Variants in KLF12 observed in about 807,000 individuals in gnomAD.
The protein encoded by KLF12 is KLF transcription factor 12.
In KLF12, 9 loss-of-function variants were observed where a neutral mutation model predicts 37.8. That is an observed-to-expected ratio of 0.24 (90% CI 0.14 to 0.42). The LOEUF is 0.42. Ranked by LOEUF, KLF12 falls within the 10% of genes least tolerant of loss-of-function variation. The probability of loss-of-function intolerance (pLI) is 1.00; values close to 1 mark genes in which losing one functional copy is unlikely to be tolerated. For missense variants in KLF12, 411 were observed against 516.0 expected, an observed-to-expected ratio of 0.80 and a Z score of 1.97; for synonymous variants, 208 against 202.1, an observed-to-expected ratio of 1.03 and a Z score of -0.25.
chr13:74,143,044 CTCCTTCTTTCCT>C, the KLF12 span, among the ~76,000 whole-genome samples: 222 of 147,938 alleles, frequency 1.5e-3, no homozygotes, highest in Non-Finnish European at 2.8e-3. Flanking sequence ...CCCTCCTTCC[CTCCTTCTTTCCT>C]TCCTTCCTTC....
chr13:73,923,560 G>A (rs1889226654), intron 3 of KLF12, among the ~76,000 whole-genome samples: 1 of 152,172 alleles, frequency 6.6e-6, no homozygotes, highest in Non-Finnish European at 1.5e-5. Flanking sequence ...CTGAGGGTCA[G>A]GGCAGTCACT....
chr13:74,294,424 G>A, the KLF12 span, among the ~76,000 whole-genome samples: 17 of 152,000 alleles, frequency 1.1e-4, no homozygotes, highest in East Asian at 3.9e-4. Context: ...GCTGGAGTGC[G>A]GTGGTGCGAT....
intron 3 of KLF12, among the ~76,000 whole-genome samples, chr13:73,852,520 G>A (rs1201563866): frequency 1.3e-5 from 2 of 152,092 alleles, no homozygotes; most frequent in African/African-American, 4.8e-5. Flanking sequence ...GGTGACTCAC[G>A]CCTGTAATCC....
At chr13:73,821,409 T>C (rs985589041) in intron 4 of KLF12, among the ~76,000 whole-genome samples, 1 of 152,204 alleles carries the variant, frequency 6.6e-6, no homozygotes, top group African/African-American at 2.4e-5. Flanking sequence ...ACACAAGTCC[T>C]ATTCTTTCTC....
chr13:74,085,796 A>G (rs1593887383), intron 1 of KLF12, among the ~76,000 whole-genome samples: 1 of 152,068 alleles, frequency 6.6e-6, no homozygotes, highest in East Asian at 1.9e-4. Flanking sequence ...ATTTCAACCA[A>G]CACTTGTGGT....
chr13:74,145,814 C>T, the KLF12 span, among the ~76,000 whole-genome samples: 116 of 152,226 alleles, frequency 7.6e-4, no homozygotes, highest in Middle Eastern at 3.4e-3. Context: ...ATCTCTGAGC[C>T]TGGTCTTGGA....
intron 3 of KLF12, among the ~76,000 whole-genome samples, chr13:73,887,021 A>C (rs1887260195): frequency 6.6e-6 from 1 of 151,698 alleles, no homozygotes; most frequent in South Asian, 2.1e-4. Context: ...AGAAAAGAAA[A>C]GTATAACTTT....
chr13:74,092,875 G>A (rs1259003974), intron 1 of KLF12, among the ~76,000 whole-genome samples: 1 of 152,154 alleles, frequency 6.6e-6, no homozygotes, highest in Non-Finnish European at 1.5e-5. Context: ...AATGCAAATT[G>A]TCAAAAGTGG....
chr13:74,225,945 A>G, the KLF12 span, among the ~76,000 whole-genome samples: 1 of 152,308 alleles, frequency 6.6e-6, no homozygotes, highest in South Asian at 2.1e-4. Context: ...GATAAAGTCA[A>G]TGCGACTGAA....
chr13:73,934,406 C>T (rs1198982910), intron 3 of KLF12, among the ~76,000 whole-genome samples: 2 of 152,182 alleles, frequency 1.3e-5, no homozygotes, highest in African/African-American at 2.4e-5. Flanking sequence ...ACGAACTCCA[C>T]CATGCATTGT....
chr13:73,898,347 T>G (rs1887885406), intron 3 of KLF12, among the ~76,000 whole-genome samples: 1 of 152,256 alleles, frequency 6.6e-6, no homozygotes, highest in African/African-American at 2.4e-5. Context: ...TCTCTCATTT[T>G]CTTAAAGAAA....
intron 3 of KLF12, among the ~76,000 whole-genome samples, chr13:73,880,034 T>A (rs1476012546): frequency 6.6e-6 from 1 of 152,200 alleles, no homozygotes; most frequent in Non-Finnish European, 1.5e-5. Context: ...CCGTTCTGCC[T>A]GGAGCATGGT....
Position 73,868,345 on chromosome 13 carries a change from TCAGTA to T in KLF12, c.124-21977_124-21973del. On this transcript the variant is annotated intron_variant, in intron 3 of 7. Transcript: ENST00000377669. ...GGGGCGGTGGGGGGGGGGGGTGATT[TCAGTA>T]CAAAGCCTACAGACATTATAAAAAT... Among the ~76,000 whole-genome samples, 2 of 146,170 alleles carry T rather than the reference TCAGTA, an allele frequency of 1.4e-5. 1 individual carries two copies. Among genetic ancestry groups the T allele is most frequent in the Admixed American group, 1.4e-4 (2 of 14,670 alleles).
At chr13:73,936,312 G>T (rs1889922868) in intron 3 of KLF12, among the ~76,000 whole-genome samples, 2 of 152,078 alleles carry the variant, frequency 1.3e-5, no homozygotes, top group African/African-American at 2.4e-5. Context: ...GCTTGTCAGG[G>T]TAGGTCCAGA....
At chr13:74,088,864 A>T (rs561008560) in intron 1 of KLF12, among the ~76,000 whole-genome samples, 5 of 152,226 alleles carry the variant, frequency 3.3e-5, no homozygotes, top group Non-Finnish European at 5.9e-5. Context: ...ACAAAGAATC[A>T]TGACTAAAGA....
In KLF12 at chr13:73,895,459, T is replaced by C. The variant is rs547259348; in HGVS notation, c.123+48522A>G. Among the ~76,000 whole-genome samples, 3 of 152,330 alleles carry C rather than the reference T, an allele frequency of 2.0e-5. No homozygotes were observed. In the South Asian group the frequency reaches 6.2e-4, roughly 32 times the overall value. On this transcript the variant is annotated intron_variant, in intron 3 of 7. Coordinates refer to ENST00000377669, the MANE Select transcript of KLF12 (RefSeq NM_007249.5). ...GTGTACTTGGTTTGGGTGATGGAAT[T>C]TTTCATATATGAAATTATATTTAAG... is the stretch of plus-strand genomic sequence containing the variant.
chr13:73,911,115 A>G (rs1888548301), intron 3 of KLF12, among the ~76,000 whole-genome samples: 1 of 152,226 alleles, frequency 6.6e-6, no homozygotes, highest in African/African-American at 2.4e-5. Flanking sequence ...AATTTTTACC[A>G]TGAAAAAAGA....
the KLF12 span, among the ~76,000 whole-genome samples, chr13:74,206,873 C>T: frequency 1.3e-5 from 2 of 152,164 alleles, no homozygotes; most frequent in Non-Finnish European, 2.9e-5. Flanking sequence ...TTGGCATCTG[C>T]CTCCTTGTCA....
chr13:73,689,923 A>T lies in KLF12; in HGVS notation c.*5567T>A, dbSNP rs1275113461. The T allele has an allele frequency of 2.0e-5, 3 of 152,190 alleles. 1 individual carries two copies. Among genetic ancestry groups the T allele is most frequent in the South Asian group, 4.1e-4 (2 of 4,832 alleles). The allele number at this position is 152,190 out of a possible 1,614,324, so 9.4% of individuals were successfully genotyped here. On this transcript the variant is annotated 3_prime_UTR_variant, in exon 8 of 8. Transcript: ENST00000377669. ...AAATGACAGTCAACTTTTTATCTGGAAATTATAATTACCATATGCAATAGT... is the reference window on the plus strand; with the variant it reads ...AAATGACAGTCAACTTTTTATCTGGTAATTATAATTACCATATGCAATAGT...
Sources: gnomAD v4.1 joint callset for allele counts (sites outside exome capture counted in the v4.1 genomes callset) on GRCh38, gnomAD v4.1.1 for gene constraint, MANE v1.5 for transcripts, NCBI Gene and HGNC (gene_info 2026-07-23, HGNC 2026-07-21) for gene names.